RALYL: variants seen among roughly 807,000 people sequenced by gnomAD.
RALYL encodes RALY RNA binding protein like, also known as RNA-binding Raly-like protein.
A neutral mutation model predicts 35.1 loss-of-function variants in RALYL; 29 were observed. The ratio of observed to expected loss-of-function variants is 0.83; its 90% CI spans 0.61 to 1.13. The LOEUF is 1.13. RALYL is among the 50% of genes most tolerant of loss of function. The pLI, the probability that RALYL is intolerant of heterozygous loss-of-function variation, is 0.00. For missense variants in RALYL, 359 were observed against 360.4 expected (o/e 1.00, Z 0.03); for synonymous variants, 120 against 127.6 (o/e 0.94, Z 0.40).
At chr8:84,668,343 C>T (rs1832489509) in intron 2 of RALYL, among the ~76,000 whole-genome samples, 1 of 152,056 alleles carries the variant, frequency 6.6e-6, no homozygotes. Context: ...AGCAGTCATG[C>T]AGTGAGTTTT....
chr8:84,509,699 G>T (rs956153068), intron 1 of RALYL, among the ~76,000 whole-genome samples: 4 of 152,016 alleles, frequency 2.6e-5, no homozygotes, highest in Admixed American at 2.6e-4. Context: ...TTTATAAAGG[G>T]TGTAAAGTGT....
chr8:84,740,711 T>A (rs536723494), intron 2 of RALYL, among the ~76,000 whole-genome samples: 1 of 152,140 alleles, frequency 6.6e-6, no homozygotes, highest in Non-Finnish European at 1.5e-5. Flanking sequence ...CTCCAGAGGT[T>A]AAAAATGAAC....
At chr8:84,701,483 C>T (rs2132315045) in intron 2 of RALYL, among the ~76,000 whole-genome samples, 1 of 152,288 alleles carries the variant, frequency 6.6e-6, no homozygotes, top group South Asian at 2.1e-4. Flanking sequence ...TATACAGTGT[C>T]TTGACAAAAT....
intron 2 of RALYL, among the ~76,000 whole-genome samples, chr8:84,562,937 C>T (rs1000001274): frequency 6.6e-6 from 1 of 151,922 alleles, no homozygotes; most frequent in African/African-American, 2.4e-5. Flanking sequence ...TTATGGCATG[C>T]AGTCCTCTGG....
chr8:84,205,508 C>G (rs185644185), intron 1 of RALYL, among the ~76,000 whole-genome samples: 3 of 152,232 alleles, frequency 2.0e-5, no homozygotes, highest in African/African-American at 7.2e-5. Context: ...ACCACATATG[C>G]AAAGGGAAAG....
intron 1 of RALYL, among the ~76,000 whole-genome samples, chr8:84,241,218 A>AG (rs1205541259): frequency 6.6e-6 from 1 of 152,090 alleles, no homozygotes; most frequent in African/African-American, 2.4e-5. Context: ...GTTTATGGTG[A>AG]GGTGTATTGT....
intron 1 of RALYL, among the ~76,000 whole-genome samples, chr8:84,261,900 A>G (rs1315322297): frequency 6.6e-6 from 1 of 152,158 alleles, no homozygotes; most frequent in Non-Finnish European, 1.5e-5. Flanking sequence ...TTCAGATTTC[A>G]TAATTTAAAA....
At chr8:84,240,373 T>C (rs1318471622) in intron 1 of RALYL, among the ~76,000 whole-genome samples, 1 of 152,236 alleles carries the variant, frequency 6.6e-6, no homozygotes, top group East Asian at 1.9e-4. Context: ...TCTTCACTTC[T>C]TGAGATCTAG....
chr8:84,330,323 T>C (rs1205902888), intron 1 of RALYL, among the ~76,000 whole-genome samples: 1 of 152,068 alleles, frequency 6.6e-6, no homozygotes, highest in Admixed American at 6.6e-5. Context: ...TTTGACAATA[T>C]ATACTACATC....
chr8:84,862,449 T>C lies in RALYL; in HGVS notation c.567T>C (p.Ser189=). ...CTACTGCCAGTGGGTCAACAGGTTCTAAATGTAAGTAATGTCCTTCATTTT... is the reference window on the plus strand; with the variant it reads ...CTACTGCCAGTGGGTCAACAGGTTCCAAATGTAAGTAATGTCCTTCATTTT... ...SRSTASGSTG[S]KLKSDELQTI... The change falls in exon 6 of 9, where the codon TCT becomes TCC. Residue 189 remains serine (S), a synonymous_variant. Transcript: ENST00000521268. The C allele has an allele frequency of 6.3e-7, 1 of 1,579,996 alleles. No individual in the cohort carries two copies.
intron 1 of RALYL, among the ~76,000 whole-genome samples, chr8:84,366,348 T>C (rs1393534820): frequency 6.6e-6 from 1 of 152,194 alleles, no homozygotes; most frequent in African/African-American, 2.4e-5. Context: ...ATGGATAAGA[T>C]CTACCTCTAA....
chr8:84,726,903 G>A (rs80217660), intron 2 of RALYL, among the ~76,000 whole-genome samples: 169 of 152,192 alleles, frequency 1.1e-3, no homozygotes, highest in African/African-American at 4.0e-3. Context: ...ACAACACAAG[G>A]TAGTTAACAA....
At chr8:84,679,041 T>C in intron 2 of RALYL, 1 of 347,040 alleles carries the variant, frequency 2.9e-6, no homozygotes, top group South Asian at 2.6e-5. Context: ...GGGATTTGGC[T>C]GCAAATAAGC....
intron 1 of RALYL, among the ~76,000 whole-genome samples, chr8:84,489,782 G>A (rs1211435358): frequency 6.6e-6 from 1 of 151,930 alleles, no homozygotes; most frequent in Non-Finnish European, 1.5e-5. Flanking sequence ...ATTAAAAGAA[G>A]TTGGAAATTC....
rs750951210 is a variant in RALYL, at chr8:84,920,926, T to A, written c.*15T>A. On this transcript the variant is annotated 3_prime_UTR_variant, in exon 9 of 9. Transcript: ENST00000521268. ...AGATAAAGTGATCTGAAATAACGCA[T>A]GATGCCACAAAGCAGAAAAGAGAAA... is the stretch of plus-strand genomic sequence containing the variant. 6 of 1,443,540 alleles carry A rather than the reference T, an allele frequency of 4.2e-6. No individual in the cohort carries two copies. The highest frequency in any genetic ancestry group is 1.9e-6 in the Non-Finnish European group (2 of 1,081,048). 89.4% of individuals were successfully genotyped at this position (1,443,540 alleles called of 1,614,324 possible). A position where few individuals can be genotyped will look rare whatever the true frequency, so the allele number is the denominator to read the frequency against.
At chr8:84,275,295 T>C (rs189170306) in intron 1 of RALYL, among the ~76,000 whole-genome samples, 1 of 152,248 alleles carries the variant, frequency 6.6e-6, no homozygotes, top group East Asian at 1.9e-4. Context: ...ATCTAACTTG[T>C]TGGTATATTT....
At chr8:84,654,302 T>TAC (rs1454995583) in intron 2 of RALYL, among the ~76,000 whole-genome samples, 27 of 129,000 alleles carry the variant, frequency 2.1e-4, no homozygotes, top group African/African-American at 7.7e-4. Context: ...TATATATATA[T>TAC]ATATATATAT....
chr8:84,645,309 ATATT>A (rs1371647323), intron 2 of RALYL, among the ~76,000 whole-genome samples: 2 of 151,702 alleles, frequency 1.3e-5, no homozygotes, highest in African/African-American at 4.8e-5. Flanking sequence ...TTTATACTAT[ATATT>A]TATACTATAT....
intron 1 of RALYL, among the ~76,000 whole-genome samples, chr8:84,279,619 G>A (rs765775155): frequency 6.6e-6 from 1 of 152,144 alleles, no homozygotes; most frequent in Admixed American, 6.5e-5. Context: ...CAAGGTGTTA[G>A]TAGAGCTATG....
Sources: allele counts gnomAD v4.1 joint callset (sites outside exome capture counted in the v4.1 genomes callset), GRCh38; gene constraint gnomAD v4.1.1; transcripts MANE v1.5; gene names NCBI Gene and HGNC (gene_info 2026-07-23, HGNC 2026-07-21).